TNR: variants seen among roughly 807,000 people sequenced by gnomAD.
The protein encoded by TNR is tenascin-R.
In TNR, 45 loss-of-function variants were observed where a neutral mutation model predicts 150.4. The ratio of observed to expected loss-of-function variants is 0.30; its 90% CI spans 0.24 to 0.38. The LOEUF (loss-of-function observed/expected upper bound fraction) is 0.38, where lower values mean the gene tolerates loss of function less well. Among genes scored for constraint, TNR ranks in the 10% least tolerant of loss-of-function variants. The pLI, the probability that TNR is intolerant of heterozygous loss-of-function variation, is 1.00. For synonymous variants in TNR, 687 were observed against 678.4 expected (o/e 1.01, Z -0.20); for missense variants, 1,544 against 1,759.1 (o/e 0.88, Z 2.19).
chr1:175,662,823 C>A (rs11801774), intron 1 of TNR, among the ~76,000 whole-genome samples: 4,532 of 152,302 alleles, frequency 0.03, 91 homozygotes, highest in Non-Finnish European at 0.053. Context: ...CAGGGTCTCA[C>A]CTGCTCAGCT....
At chr1:175,366,646 G>C (rs1651853262) in intron 10 of TNR, among the ~76,000 whole-genome samples, 2 of 152,218 alleles carry the variant, frequency 1.3e-5, no homozygotes, top group African/African-American at 4.8e-5. Context: ...GACAAGGACT[G>C]GTCTAAAATC....
chr1:175,619,129 G>A (rs1352428381), intron 1 of TNR, among the ~76,000 whole-genome samples: 2 of 152,240 alleles, frequency 1.3e-5, no homozygotes, highest in Admixed American at 1.3e-4. Flanking sequence ...GTTCTCTCCA[G>A]TCTCCTCCTC....
intron 2 of TNR, among the ~76,000 whole-genome samples, chr1:175,495,462 C>T (rs78297833): frequency 1.3e-5 from 2 of 152,292 alleles, no homozygotes; most frequent in East Asian, 1.9e-4. Flanking sequence ...TCCCTGCTAT[C>T]CAGGGGCTTA....
At chr1:175,555,977 G>A (rs1661141184) in intron 1 of TNR, among the ~76,000 whole-genome samples, 3 of 152,312 alleles carry the variant, frequency 2.0e-5, no homozygotes, top group Admixed American at 6.5e-5. Context: ...AGGCGTATAG[G>A]CTCAGACAGC....
chr1:175,609,590 G>T (rs1183837634), intron 1 of TNR, among the ~76,000 whole-genome samples: 1 of 152,182 alleles, frequency 6.6e-6, no homozygotes, highest in Non-Finnish European at 1.5e-5. Context: ...CCCTGCAGAT[G>T]CCCCTGTACT....
At chr1:175,542,706 C>T (rs997934070) in intron 1 of TNR, among the ~76,000 whole-genome samples, 1 of 152,190 alleles carries the variant, frequency 6.6e-6, no homozygotes, top group Non-Finnish European at 1.5e-5. Context: ...ACTAAAACCA[C>T]TTCTACATGG....
chr1:175,441,423 G>A (rs1655784401), intron 2 of TNR, among the ~76,000 whole-genome samples: 1 of 152,106 alleles, frequency 6.6e-6, no homozygotes, highest in Non-Finnish European at 1.5e-5. Context: ...ATATGTATAT[G>A]TATGTATGTT....
chr1:175,665,975 T>C (rs1049979475), intron 1 of TNR, among the ~76,000 whole-genome samples: 4 of 152,162 alleles, frequency 2.6e-5, no homozygotes, highest in East Asian at 1.9e-4. Flanking sequence ...ATGACAAAGA[T>C]CATTCCATCC....
intron 18 of TNR, among the ~76,000 whole-genome samples, chr1:175,350,679 ACATCTTGAT>A (rs1353583766): frequency 6.6e-6 from 1 of 152,252 alleles, no homozygotes; most frequent in Non-Finnish European, 1.5e-5. Context: ...ACAAGGGAAG[ACATCTTGAT>A]CAAAGGAGGT....
At chr1:175,424,008 G>GT (rs921741941) in intron 2 of TNR, among the ~76,000 whole-genome samples, 4 of 152,252 alleles carry the variant, frequency 2.6e-5, no homozygotes, top group African/African-American at 9.6e-5. Context: ...TGAAAAAAAA[G>GT]TTTTTTTCTG....
chr1:175,392,463 C>T (rs72723455), intron 6 of TNR, among the ~76,000 whole-genome samples: 13,934 of 152,196 alleles, frequency 0.092, 901 homozygotes, highest in Non-Finnish European at 0.13. Context: ...GTCAGCCTCT[C>T]TTTTAATTAG....
intron 2 of TNR, among the ~76,000 whole-genome samples, chr1:175,418,527 T>C (rs1654608856): frequency 5.9e-5 from 9 of 152,098 alleles, no homozygotes. Context: ...ATTGAGACCA[T>C]TCTGGCCAAC....
At chr1:175,669,492 G>A (rs917515038) in intron 1 of TNR, among the ~76,000 whole-genome samples, 4 of 152,224 alleles carry the variant, frequency 2.6e-5, no homozygotes, top group African/African-American at 4.8e-5. Flanking sequence ...ATTGCACCAA[G>A]GTTCAGTGAT....
At chr1:175,531,641 G>A (rs1472955009) in intron 1 of TNR, among the ~76,000 whole-genome samples, 1 of 152,182 alleles carries the variant, frequency 6.6e-6, no homozygotes, top group Non-Finnish European at 1.5e-5. Flanking sequence ...TTCAGTAAAT[G>A]GGTGTGTTCT....
At chr1:175,693,030 A>T (rs1666416891) in intron 1 of TNR, among the ~76,000 whole-genome samples, 1 of 152,186 alleles carries the variant, frequency 6.6e-6, no homozygotes, top group Non-Finnish European at 1.5e-5. Flanking sequence ...ACAGACACAG[A>T]CCTCTGCACT....
At position 175,608,693 on chromosome 1, in the gene TNR, C is replaced by T. The variant is rs146007047; in HGVS notation, c.-164-80324G>A. Among the ~76,000 whole-genome samples, 7 of 152,178 alleles carry T rather than the reference C, an allele frequency of 4.6e-5. No individual in the cohort carries two copies. In the East Asian group the frequency reaches 1.4e-3, roughly 29 times the overall value. On this transcript the variant is annotated intron_variant, in intron 1 of 22. Coordinates refer to ENST00000367674, the MANE Select transcript of TNR (RefSeq NM_003285.3). ...ACAACAAAAAAGCAGCAACACTTAA[C>T]AGAAAAAAATGGGCAAGAATAGGAG...
chr1:175,470,815 T>C (rs1657253303), intron 2 of TNR, among the ~76,000 whole-genome samples: 1 of 152,222 alleles, frequency 6.6e-6, no homozygotes, highest in African/African-American at 2.4e-5. Context: ...GTTTCTCTAT[T>C]AGCTTGTGGA....
At chr1:175,660,518 G>T (rs1399490618) in intron 1 of TNR, among the ~76,000 whole-genome samples, 1 of 152,216 alleles carries the variant, frequency 6.6e-6, no homozygotes, top group Non-Finnish European at 1.5e-5. Flanking sequence ...TCAGTAAAAT[G>T]CCCTGTATAG....
intron 2 of TNR, among the ~76,000 whole-genome samples, chr1:175,504,237 A>G (rs1041611645): frequency 2.6e-5 from 4 of 152,084 alleles, no homozygotes; most frequent in African/African-American, 9.7e-5. Flanking sequence ...CCAATACTCA[A>G]TGAGTGGCTG....
Sources: gnomAD v4.1 joint callset for allele counts (sites outside exome capture counted in the v4.1 genomes callset) on GRCh38, gnomAD v4.1.1 for gene constraint, MANE v1.5 for transcripts, NCBI Gene and HGNC (gene_info 2026-07-23, HGNC 2026-07-21) for gene names.